LINGO1: variants seen among roughly 807,000 people sequenced by gnomAD.
LINGO1 encodes leucine rich repeat and Ig domain containing 1, also known as leucine-rich repeat and immunoglobulin-like domain-containing nogo receptor-interacting protein 1.
A neutral mutation model predicts 37.3 loss-of-function variants in LINGO1; 11 were observed. That is an observed-to-expected ratio of 0.29 (90% confidence interval 0.19 to 0.49). The LOEUF (loss-of-function observed/expected upper bound fraction) is 0.49, where lower values mean the gene tolerates loss of function less well. Ranked by LOEUF, LINGO1 falls within the 20% of genes least tolerant of loss-of-function variation. LINGO1 has a pLI of 0.99. For missense variants in LINGO1, 585 were observed against 878.2 expected (o/e 0.67, Z 4.22); for synonymous variants, 387 against 403.0 (o/e 0.96, Z 0.48).
chr15:77,737,430 A>AGGGGAGGAAGGAG (rs1217848593), intron 1 of LINGO1, among the ~76,000 whole-genome samples: 3 of 151,870 alleles, frequency 2.0e-5, no homozygotes, highest in Admixed American at 6.6e-5. Context: ...AAAGGGAGGA[A>AGGGGAGGAAGGAG]GGGGAGGAAG....
intron 1 of LINGO1, among the ~76,000 whole-genome samples, chr15:77,741,069 G>A (rs1394935306): frequency 2.0e-5 from 3 of 152,220 alleles, no homozygotes; most frequent in Non-Finnish European, 4.4e-5. Context: ...TGTGGCCAAG[G>A]AAGGGAACCA....
At chr15:77,616,037 C>A (rs977388403) in intron 1 of LINGO1, 137 bp from the exon 2 acceptor site, 92 of 578,564 alleles carry the variant, frequency 1.6e-4, no homozygotes, top group Admixed American at 1.4e-3. Context: ...GGTCCAGATG[C>A]CCAGGCCAGA....
chr15:77,644,177 T>C (rs1158256157), intron 3 of LINGO1, among the ~76,000 whole-genome samples: 1 of 152,202 alleles, frequency 6.6e-6, no homozygotes, highest in Non-Finnish European at 1.5e-5. Context: ...CTCTGTGGTA[T>C]GTGTCATGTT....
At chr15:77,770,117 G>C (rs1300608756) in intron 1 of LINGO1, among the ~76,000 whole-genome samples, 9 of 152,132 alleles carry the variant, frequency 5.9e-5, no homozygotes, top group Non-Finnish European at 8.8e-5. Context: ...CCCTCAGCTG[G>C]AGAGGGGGAC....
At position 77,615,502 on chromosome 15, in the gene LINGO1, C is replaced by A. The variant is rs776340031; in HGVS notation, c.405G>T (p.Pro135=). Residue 135 remains proline, a synonymous_variant, in exon 2 of 2, where the codon CCG becomes CCT. Coordinates refer to ENST00000355300, the MANE Select transcript of LINGO1 (RefSeq NM_032808.7). ...GLRSNRLKLI[P]LGVFTGLSNL... Reference sequence around the variant, plus strand: ...TGCTGAGGCCAGTGAAGACGCCTAGCGGGATGAGCTTCAGGCGGTTGCTGC... The same window carrying A: ...TGCTGAGGCCAGTGAAGACGCCTAGAGGGATGAGCTTCAGGCGGTTGCTGC... 1 of 1,613,964 alleles carries A rather than the reference C, an allele frequency of 6.2e-7. No homozygotes were observed. Among genetic ancestry groups the A allele is most frequent in the Non-Finnish European group, 8.5e-7 (1 of 1,179,846 alleles).
At chr15:77,802,121 G>C (rs1277536975) in intron 1 of LINGO1, among the ~76,000 whole-genome samples, 2 of 152,164 alleles carry the variant, frequency 1.3e-5, no homozygotes, top group African/African-American at 4.8e-5. Context: ...TACAGAGAGT[G>C]GGGGGATGAG....
chr15:77,675,677 G>A (rs890395785), intron 3 of LINGO1, among the ~76,000 whole-genome samples: 4 of 152,138 alleles, frequency 2.6e-5, no homozygotes, highest in African/African-American at 9.7e-5. Flanking sequence ...TTTAAATACC[G>A]AGAGATAGAT....
chr15:77,642,005 G>C, intron 3 of LINGO1: 1 of 456,614 alleles, frequency 2.2e-6, no homozygotes, highest in South Asian at 1.5e-5. Flanking sequence ...TGCCACCTGG[G>C]GATACTCATG....
intron 3 of LINGO1, chr15:77,647,838 G>A (rs923491886): frequency 8.8e-6 from 4 of 455,952 alleles, no homozygotes; most frequent in Admixed American, 4.7e-5. Context: ...TTGGCCCTCA[G>A]CACTTTTCCT....
intron 1 of LINGO1, among the ~76,000 whole-genome samples, chr15:77,753,761 AC>A (rs1242167975): frequency 1.3e-5 from 2 of 152,250 alleles, no homozygotes; most frequent in East Asian, 3.9e-4. Context: ...AAGTGTGCAC[AC>A]ACAAACACAC....
intron 2 of LINGO1, among the ~76,000 whole-genome samples, chr15:77,793,666 G>A (rs1487792946): frequency 6.6e-6 from 1 of 152,054 alleles, no homozygotes; most frequent in Admixed American, 6.5e-5. Flanking sequence ...TTGGCTAAAC[G>A]CACTATGGTA....
At chr15:77,728,892 A>G (rs978842643) in intron 2 of LINGO1, among the ~76,000 whole-genome samples, 2 of 152,268 alleles carry the variant, frequency 1.3e-5, no homozygotes, top group Non-Finnish European at 2.9e-5. Flanking sequence ...TGCCTGGCAC[A>G]TAGCGGGCAC....
At chr15:77,655,745 C>A (rs548636439) in intron 3 of LINGO1, among the ~76,000 whole-genome samples, 101 of 152,310 alleles carry the variant, frequency 6.6e-4, no homozygotes, top group Non-Finnish European at 1.2e-3. Context: ...GGTCTGTCTA[C>A]CCCAAGCCTG....
chr15:77,704,801 G>C (rs1340601283), intron 2 of LINGO1, among the ~76,000 whole-genome samples: 1 of 152,124 alleles, frequency 6.6e-6, no homozygotes, highest in Non-Finnish European at 1.5e-5. Context: ...GTCATAGACT[G>C]TGTTCTGACC....
chr15:77,789,299 T>G (rs890277147), upstream of LINGO1, among the ~76,000 whole-genome samples: 1 of 152,198 alleles, frequency 6.6e-6, no homozygotes, highest in Non-Finnish European at 1.5e-5. Flanking sequence ...CCAATACGAC[T>G]ATTGTGCCCA....
At chr15:77,709,858 G>T (rs113716327) in intron 2 of LINGO1, among the ~76,000 whole-genome samples, 4 of 152,326 alleles carry the variant, frequency 2.6e-5, no homozygotes, top group African/African-American at 9.6e-5. Context: ...CACAGGGAAG[G>T]TGGGAGCCAA....
intron 1 of LINGO1, among the ~76,000 whole-genome samples, chr15:77,762,733 AC>A (rs1210054849): frequency 6.6e-6 from 1 of 151,894 alleles, no homozygotes; most frequent in East Asian, 1.9e-4. Context: ...TCCACAGATC[AC>A]CTCCTCCATG....
At chr15:77,813,976 T>C (rs542959576) in intron 1 of LINGO1, among the ~76,000 whole-genome samples, 2 of 152,090 alleles carry the variant, frequency 1.3e-5, no homozygotes, top group Admixed American at 1.3e-4. Flanking sequence ...CACTCGTCCC[T>C]GGGCTCTCCT....
At chr15:77,758,187 A>G (rs776905402) in intron 1 of LINGO1, among the ~76,000 whole-genome samples, 2 of 152,194 alleles carry the variant, frequency 1.3e-5, no homozygotes, top group Admixed American at 6.5e-5. Context: ...GGCAAAGGAA[A>G]GGAAAAGGGG....
Sources: allele counts gnomAD v4.1 joint callset (sites outside exome capture counted in the v4.1 genomes callset), GRCh38; gene constraint gnomAD v4.1.1; transcripts MANE v1.5; gene names NCBI Gene and HGNC (gene_info 2026-07-23, HGNC 2026-07-21).